NEMF: variants seen among roughly 807,000 people sequenced by gnomAD.
NEMF encodes ribosome quality control complex subunit NEMF.
In NEMF, 89 loss-of-function variants were observed where a neutral mutation model predicts 162.2. That is an observed-to-expected ratio of 0.55 (90% CI 0.46 to 0.65). NEMF has a LOEUF of 0.65. NEMF is among the 30% of genes least tolerant of loss of function. The pLI is 0.00. For synonymous variants in NEMF, 421 were observed against 404.5 expected (o/e 1.04, Z -0.49); for missense variants, 1,133 against 1,261.9 (o/e 0.90, Z 1.55).
At chr14:49,806,406 G>A (rs1443921566) in intron 18 of NEMF, among the ~76,000 whole-genome samples, 4 of 148,896 alleles carry the variant, frequency 2.7e-5, no homozygotes, top group East Asian at 4.0e-4. Context: ...AATTACCAGC[G>A]CCCGCCACCA....
chr14:49,839,067 A>AT (rs56002531), intron 5 of NEMF, among the ~76,000 whole-genome samples: 121,440 of 147,468 alleles, frequency 0.82, 50,533 homozygotes, highest in South Asian at 0.92. Flanking sequence ...AAGCATGTTA[A>AT]TTTTTTTTTT....
intron 16 of NEMF, among the ~76,000 whole-genome samples, chr14:49,824,033 G>T (rs1303062456): frequency 6.6e-6 from 1 of 152,076 alleles, no homozygotes; most frequent in Non-Finnish European, 1.5e-5. Flanking sequence ...AGTTGGGCAT[G>T]GTGGCGTGCA....
Position 49,784,723 on chromosome 14 carries a change from G to T in NEMF, c.3154-10C>A. On this transcript the variant is annotated splice_polypyrimidine_tract_variant and intron_variant, in intron 32 of 32. Transcript: ENST00000298310. ...TTGATAAATCTGTGTCCTAAAAAAAGAAAATTGCTGAATATCTTCACATCC... is the reference window on the plus strand; with the variant it reads ...TTGATAAATCTGTGTCCTAAAAAAATAAAATTGCTGAATATCTTCACATCC... 2 of 1,604,820 alleles carry T rather than the reference G, an allele frequency of 1.2e-6. No homozygotes were observed. Among genetic ancestry groups the T allele is most frequent in the East Asian group, 2.2e-5 (1 of 44,746 alleles).
At chr14:49,838,740 A>T (rs988114634) in intron 5 of NEMF, among the ~76,000 whole-genome samples, 1 of 151,646 alleles carries the variant, frequency 6.6e-6, no homozygotes, top group Non-Finnish European at 1.5e-5. Context: ...GCCCGCCACC[A>T]CGCCCGGCTA....
At chr14:49,841,931 C>A (rs1893232816) in intron 4 of NEMF, among the ~76,000 whole-genome samples, 2 of 152,014 alleles carry the variant, frequency 1.3e-5, no homozygotes. Context: ...CATGGAGAAA[C>A]CCCGTCTCTA....
At chr14:49,832,381 G>A (rs1029069303) in intron 8 of NEMF, 104 bp from the exon 9 acceptor site, 10 of 742,276 alleles carry the variant, frequency 1.3e-5, no homozygotes, top group East Asian at 2.7e-5. Context: ...ACCCAGGCTG[G>A]AGTGCAGTGG....
At chr14:49,843,030 A>G (rs1191301323) in intron 4 of NEMF, among the ~76,000 whole-genome samples, 2 of 152,090 alleles carry the variant, frequency 1.3e-5, no homozygotes. Context: ...ATAAAAAAAA[A>G]GAAAGAGTAA....
intron 18 of NEMF, among the ~76,000 whole-genome samples, chr14:49,813,233 A>C (rs1344757060): frequency 6.6e-6 from 1 of 152,208 alleles, no homozygotes; most frequent in Admixed American, 6.5e-5. Flanking sequence ...TGCCCACTGG[A>C]GTTTGCTAGA....
At chr14:49,794,156 T>A (rs895326107) in intron 26 of NEMF, among the ~76,000 whole-genome samples, 1 of 152,242 alleles carries the variant, frequency 6.6e-6, no homozygotes. Context: ...GTTAATAACA[T>A]GCTGTTGTAA....
Position 49,838,028 on chromosome 14 carries a change from T to C in NEMF, c.574+111A>G, listed in dbSNP as rs954036954. 6 of 752,170 alleles carry C rather than the reference T, an allele frequency of 8.0e-6. No individual in the cohort carries two copies. The Admixed American group carries it at 1.0e-4, about 13-fold the overall frequency. 46.6% of individuals were successfully genotyped at this position (752,170 alleles called of 1,614,324 possible). On this transcript the variant is annotated intron_variant, in intron 6 of 32. Coordinates refer to ENST00000298310, the MANE Select transcript of NEMF (RefSeq NM_004713.6). ...TCTTTGACAATAAACTCCTACTTAC[T>C]CCAAGGATCACTTGTTCAAATTTTC...
chr14:49,782,099 T>C lies in NEMF; in HGVS notation c.*2537A>G, dbSNP rs1889930073. 2.1e-5 allele frequency: 8 copies of C among 387,446 alleles called. No homozygotes were observed. The East Asian group carries it at 3.3e-4, about 16-fold the overall frequency. The allele number at this position is 387,446 out of a possible 1,614,324, so 24.0% of individuals were successfully genotyped here. The stretch of plus-strand genomic sequence containing the variant: ...CTACTCAGCTCCCATACGATTTTTA[T>C]TGCTAACAAAGACCTAGAGAACAGA... On this transcript the variant is annotated 3_prime_UTR_variant, in exon 33 of 33. Transcript: ENST00000298310.
At position 49,838,189 on chromosome 14, in the gene NEMF, GCTA is replaced by G. The variant is rs1893002267; in HGVS notation, c.521_523del (p.Val174del). ...CAGTAGTTCACCCTTAGGTGCGCTG[GCTA>G]CTATTTCAGTCAACCTGTGAAACAA... On this transcript the variant is annotated inframe_deletion, in exon 6 of 33. Coordinates refer to ENST00000298310, the MANE Select transcript of NEMF (RefSeq NM_004713.6). 1 of 1,613,760 alleles carries G rather than the reference GCTA, an allele frequency of 6.2e-7. No homozygotes were observed. The highest frequency in any genetic ancestry group is 1.3e-5 in the African/African-American group (1 of 75,032).
chr14:49,850,374 C>T (rs1179624093), intron 3 of NEMF, among the ~76,000 whole-genome samples: 2 of 152,168 alleles, frequency 1.3e-5, no homozygotes, highest in African/African-American at 2.4e-5. Context: ...AGGCATGAGC[C>T]ACCGCACCTG....
intron 3 of NEMF, among the ~76,000 whole-genome samples, chr14:49,847,105 C>G (rs369260878): frequency 6.6e-6 from 1 of 151,458 alleles, no homozygotes; most frequent in East Asian, 2.0e-4. Context: ...AGGCTGGTCT[C>G]GAAGTTCTGA....
At chr14:49,819,125 AAAG>A (rs1294220331) in intron 16 of NEMF, among the ~76,000 whole-genome samples, 1 of 152,146 alleles carries the variant, frequency 6.6e-6, no homozygotes, top group Non-Finnish European at 1.5e-5. Flanking sequence ...GAAAAAAAGA[AAAG>A]GAGGGTGCGG....
In NEMF at chr14:49,834,377, T is replaced by G. The variant is rs777564998; in HGVS notation, c.647A>C (p.Lys216Thr). The change falls in exon 7 of 33, where the codon AAA becomes ACA. Residue 216 changes from lysine to threonine, a missense_variant. Transcript: ENST00000298310. ...GFSGNVKVDE[K>T]LETKDIEKVL... The stretch of plus-strand genomic sequence containing the variant: ...TGCAGACATACCTTTAGTTTCAAGT[T>G]TTTCATCCACTTTGACATTACCCGA... The G allele has an allele frequency of 6.2e-7, 1 of 1,604,064 alleles. No individual in the cohort carries two copies. Among genetic ancestry groups the G allele is most frequent in the Admixed American group, 1.7e-5 (1 of 59,954 alleles).
At chr14:49,830,616 C>CTCAAG (rs1471304725) in intron 11 of NEMF, among the ~76,000 whole-genome samples, 1 of 152,234 alleles carries the variant, frequency 6.6e-6, no homozygotes, top group East Asian at 1.9e-4. Flanking sequence ...AACTCCTGAC[C>CTCAAG]TCAAGTGATC....
At chr14:49,822,336 A>T (rs939197521) in intron 16 of NEMF, among the ~76,000 whole-genome samples, 16 of 143,650 alleles carry the variant, frequency 1.1e-4, no homozygotes. Flanking sequence ...ACATTTTAAT[A>T]AAAAAAAAAA....
intron 17 of NEMF, among the ~76,000 whole-genome samples, chr14:49,814,396 G>A (rs545928091): frequency 1.3e-5 from 2 of 152,218 alleles, no homozygotes; most frequent in South Asian, 2.1e-4. Context: ...GAGCCACCAC[G>A]CCCGGCCAAG....
Sources: allele counts gnomAD v4.1 joint callset (sites outside exome capture counted in the v4.1 genomes callset), GRCh38; gene constraint gnomAD v4.1.1; transcripts MANE v1.5; gene names NCBI Gene and HGNC (gene_info 2026-07-23, HGNC 2026-07-21).